GALNT8: variants seen among roughly 807,000 people sequenced by gnomAD.
GALNT8 encodes the protein polypeptide N-acetylgalactosaminyltransferase 8, also known as probable polypeptide N-acetylgalactosaminyltransferase 8.
In GALNT8, 66 loss-of-function variants were observed where a neutral mutation model predicts 62.7. The ratio of observed to expected loss-of-function variants is 1.05; its 90% confidence interval spans 0.86 to 1.29. The LOEUF (loss-of-function observed/expected upper bound fraction) is 1.29, where lower values mean the gene tolerates loss of function less well. GALNT8 is among the 50% of genes most tolerant of loss of function. The probability of loss-of-function intolerance (pLI) is 0.00; values close to 1 mark genes in which losing one functional copy is unlikely to be tolerated. For missense variants in GALNT8, 771 were observed against 791.8 expected (o/e 0.97, Z 0.32); for synonymous variants, 288 against 294.3 (o/e 0.98, Z 0.22).
intron 6 of GALNT8, among the ~76,000 whole-genome samples, chr12:4,746,839 G>A (rs1946302099): frequency 6.6e-6 from 1 of 152,142 alleles, no homozygotes. Flanking sequence ...CAGGCAGATT[G>A]CTTGAGCCCA....
intron 6 of GALNT8, among the ~76,000 whole-genome samples, chr12:4,750,464 G>C (rs1946317620): frequency 6.6e-6 from 1 of 152,078 alleles, no homozygotes; most frequent in South Asian, 2.1e-4. Flanking sequence ...CTGTTCCTGA[G>C]TTAGTTTGCT....
chr12:4,757,540 C>T (rs77191505), intron 6 of GALNT8, among the ~76,000 whole-genome samples: 4,648 of 152,186 alleles, frequency 0.031, 239 homozygotes, highest in African/African-American at 0.11. Flanking sequence ...CACTCAACAC[C>T]ATATTTGTAT....
rs1443038086 is a variant in GALNT8 at position 4,755,269 on chromosome 12, T to C, written c.1174-5689T>C. Among the ~76,000 whole-genome samples the C allele has an allele frequency of 5.3e-5, 8 of 152,378 alleles. No homozygotes were observed. In the East Asian group the frequency reaches 1.3e-3, roughly 26 times the overall value. On this transcript the variant is annotated intron_variant, in intron 6 of 10. Transcript: ENST00000252318. ...CAAGGTTTGTGGGAACTCAAGGTCCTACTTCTGGGATCAGTGATTTCCCTC... is the reference window on the plus strand; with the variant it reads ...CAAGGTTTGTGGGAACTCAAGGTCCCACTTCTGGGATCAGTGATTTCCCTC...
chr12:4,746,562 T>C (rs1946300983), intron 6 of GALNT8, among the ~76,000 whole-genome samples: 1 of 152,062 alleles, frequency 6.6e-6, no homozygotes, highest in South Asian at 2.1e-4. Flanking sequence ...TGGGATAAAC[T>C]TAACCTTGGA....
In GALNT8 at chr12:4,726,012, A is replaced by G. The variant is rs1338667963; in HGVS notation, c.212-520A>G. 6.6e-6 allele frequency among the ~76,000 whole-genome samples: 1 copy of G among 152,170 alleles called. No individual in the cohort carries two copies. The highest frequency in any genetic ancestry group is 2.4e-5 in the African/African-American group (1 of 41,434). Reference sequence around the variant, plus strand: ...TTAGATTTGCCTTTGTTAGGCACTAATGGTGTAGTAAGTGTTTCTTAAGTT... The same window carrying G: ...TTAGATTTGCCTTTGTTAGGCACTAGTGGTGTAGTAAGTGTTTCTTAAGTT... On this transcript the variant is annotated intron_variant, in intron 1 of 10. Transcript: ENST00000252318. This position sits in a 1 kb window ranked among gnomAD's most constrained non-coding sequence, Gnocchi z 4.1.
At chr12:4,757,217 G>T (rs1315567972) in intron 6 of GALNT8, among the ~76,000 whole-genome samples, 3 of 152,142 alleles carry the variant, frequency 2.0e-5, no homozygotes, top group African/African-American at 7.2e-5. Context: ...GTTCTCTATG[G>T]CAGTGTGAAA....
intron 10 of GALNT8, among the ~76,000 whole-genome samples, chr12:4,770,320 C>G (rs1027511891): frequency 1.4e-5 from 2 of 146,906 alleles, no homozygotes; most frequent in African/African-American, 5.0e-5. Context: ...AAAAAAAAAA[C>G]AAAAAACAAA....
At chr12:4,755,790 C>T (rs926980731) in intron 6 of GALNT8, among the ~76,000 whole-genome samples, 1 of 152,194 alleles carries the variant, frequency 6.6e-6, no homozygotes, top group Non-Finnish European at 1.5e-5. Flanking sequence ...TTGGTTAACT[C>T]TTGCCAAAAA....
intron 6 of GALNT8, among the ~76,000 whole-genome samples, chr12:4,750,784 C>T (rs1946319197): frequency 1.3e-5 from 2 of 152,116 alleles, no homozygotes; most frequent in Admixed American, 1.3e-4. Flanking sequence ...ATTCACACTC[C>T]CATCAACAGT....
intron 3 of GALNT8, among the ~76,000 whole-genome samples, chr12:4,741,011 A>AAG (rs577840138): frequency 1.3e-5 from 2 of 152,336 alleles, no homozygotes; most frequent in African/African-American, 4.8e-5. Flanking sequence ...CAACAAATAA[A>AAG]AGAGAGTAGA....
intron 9 of GALNT8, among the ~76,000 whole-genome samples, chr12:4,764,494 A>G (rs1011448944): frequency 6.8e-6 from 1 of 147,872 alleles, no homozygotes; most frequent in East Asian, 2.0e-4. Context: ...AAGGGATGGA[A>G]GGGCCCTGGC....
intron 6 of GALNT8, among the ~76,000 whole-genome samples, chr12:4,753,356 G>A (rs1025679886): frequency 6.6e-6 from 1 of 151,968 alleles, no homozygotes; most frequent in African/African-American, 2.4e-5. Context: ...TCATTGCTTT[G>A]TATTCTTTTT....
At position 4,764,197 on chromosome 12, in the gene GALNT8, T is replaced by C. The variant is rs1454332462; in HGVS notation, c.1593+150T>C. The C allele has an allele frequency of 6.1e-6, 4 of 650,964 alleles. No homozygotes were observed. The East Asian group carries it at 7.9e-5, about 13-fold the overall frequency. 40.3% of individuals were successfully genotyped at this position (650,964 alleles called of 1,614,324 possible). ...AGGGTGAAATCCAGACCTGCACTTG[T>C]AACTGAGCACGTCTTAGTTTCTTCA... is the stretch of plus-strand genomic sequence containing the variant. On this transcript the variant is annotated intron_variant, in intron 9 of 10. Transcript: ENST00000252318.
At chr12:4,730,368 C>G (rs1946216137) in intron 2 of GALNT8, among the ~76,000 whole-genome samples, 1 of 152,078 alleles carries the variant, frequency 6.6e-6, no homozygotes, top group African/African-American at 2.4e-5. Flanking sequence ...AGTCTTTAAT[C>G]TAGTTTCAGT....
At chr12:4,763,423 A>C (rs1363385704) in intron 8 of GALNT8, 33 bp downstream of exon 8, 2 of 1,577,606 alleles carry the variant, frequency 1.3e-6, no homozygotes, top group Admixed American at 3.4e-5. Context: ...TTGGATTTTA[A>C]ATGTTTGACT....
In GALNT8 at chr12:4,720,748, T is replaced by C; in HGVS notation, c.71T>C (p.Leu24Pro). The change falls in exon 1 of 11, where the codon CTT (leucine) becomes CCT (proline). Residue 24 changes from leucine to proline, a missense_variant. Physicochemically the swap from Leu to Pro is moderately conservative, Grantham distance 98. Coordinates refer to ENST00000252318, the MANE Select transcript of GALNT8 (RefSeq NM_017417.2). ...ACTCTGGCCATTGCTGTCAATCTCC[T>C]TCTGGTATTTTCTAGCAAGGGGACT... The part of the protein sequence containing the change: ...GLTLAIAVNL[L>P]LVFSSKGTLQ... 6.2e-7 allele frequency: 1 copy of C among 1,612,988 alleles called. No individual in the cohort carries two copies. The highest frequency in any genetic ancestry group is 1.1e-5 in the South Asian group (1 of 91,072).
chr12:4,746,101 C>A, intron 5 of GALNT8, 43 bp from the exon 6 acceptor site: 1 of 1,160,798 alleles, frequency 8.6e-7, no homozygotes, highest in Non-Finnish European at 1.3e-6. Flanking sequence ...CTCGCCTCCG[C>A]TCCTTATGGA....
chr12:4,724,229 G>A (rs1159283455), intron 1 of GALNT8, among the ~76,000 whole-genome samples: 1 of 150,442 alleles, frequency 6.6e-6, no homozygotes, highest in East Asian at 1.9e-4. Context: ...AAGAGCAAAT[G>A]CAAACAATAA....
intron 2 of GALNT8, among the ~76,000 whole-genome samples, chr12:4,735,453 CAT>C (rs1162671448): frequency 1.3e-5 from 2 of 152,094 alleles, no homozygotes; most frequent in Non-Finnish European, 2.9e-5. Flanking sequence ...CAGGTCCTAG[CAT>C]ACATAGGTCC....
Sources: gnomAD v4.1 joint callset for allele counts (sites outside exome capture counted in the v4.1 genomes callset) on GRCh38, gnomAD v4.1.1 for gene constraint, Gnocchi (gnomAD v3.1) non-coding constraint, MANE v1.5 for transcripts, NCBI Gene and HGNC (gene_info 2026-07-23, HGNC 2026-07-21) for gene names.